ATE1: variants seen among roughly 807,000 people sequenced by gnomAD.
ATE1 encodes the protein arginyltransferase 1.
In ATE1, 36 loss-of-function variants were observed where a neutral mutation model predicts 70.5. The observed-to-expected ratio is 0.51, with a 90% confidence interval of 0.39 to 0.67. ATE1 has a LOEUF of 0.67. Ranked by LOEUF, ATE1 falls within the 30% of genes least tolerant of loss-of-function variation. The pLI is 0.00. For missense variants in ATE1, 593 were observed against 629.5 expected, an observed-to-expected ratio of 0.94 and a Z score of 0.62; for synonymous variants, 232 against 219.3, an observed-to-expected ratio of 1.06 and a Z score of -0.51.
chr10:121,830,749 A>G (rs1948204760), intron 10 of ATE1, among the ~76,000 whole-genome samples: 1 of 152,226 alleles, frequency 6.6e-6, no homozygotes, highest in African/African-American at 2.4e-5. Context: ...TGATGCCAGG[A>G]AAATGCTGAC....
At chr10:121,923,553 G>C (rs1487828087) in intron 2 of ATE1, among the ~76,000 whole-genome samples, 1 of 152,152 alleles carries the variant, frequency 6.6e-6, no homozygotes, top group Non-Finnish European at 1.5e-5. Flanking sequence ...TCTACCTTTT[G>C]AATCTCATTA....
At chr10:121,914,022 G>A in intron 3 of ATE1, 129 bp from the exon 4 acceptor site, 1 of 635,948 alleles carries the variant, frequency 1.6e-6, no homozygotes, top group Non-Finnish European at 2.6e-6. Context: ...GGGGCTTAAT[G>A]TAGCCTCTAA....
intron 8 of ATE1, among the ~76,000 whole-genome samples, chr10:121,867,043 T>C (rs1171624997): frequency 1.3e-5 from 2 of 152,058 alleles, no homozygotes; most frequent in African/African-American, 4.8e-5. Context: ...TTGGAACTTG[T>C]CTACTTTTAG....
chr10:121,770,867 T>A (rs1410862289), intron 11 of ATE1, among the ~76,000 whole-genome samples: 2 of 152,034 alleles, frequency 1.3e-5, no homozygotes, highest in Non-Finnish European at 2.9e-5. Flanking sequence ...TATAAAACAC[T>A]GAAGCCTTAA....
intron 11 of ATE1, among the ~76,000 whole-genome samples, chr10:121,752,356 G>A (rs554368654): frequency 3.3e-5 from 5 of 149,302 alleles, no homozygotes; most frequent in African/African-American, 7.4e-5. Context: ...TCAGCCTCCC[G>A]AGTAGCTGGG....
rs550130490 is a variant in ATE1, at chr10:121,796,918, A to C, written c.1258-6629T>G. 2.3e-4 allele frequency among the ~76,000 whole-genome samples: 35 copies of C among 152,352 alleles called. No homozygotes were observed. The South Asian group carries it at 6.6e-3, about 29-fold the overall frequency. On this transcript the variant is annotated intron_variant, in intron 10 of 11. Transcript: ENST00000224652. ...TTGAAGAGCATTATCATATTGATCC[A>C]ATTTCTTACCCTATAAAAGAATCGC...
intron 11 of ATE1, among the ~76,000 whole-genome samples, chr10:121,744,192 G>A (rs1944253277): frequency 6.6e-6 from 1 of 151,810 alleles, no homozygotes; most frequent in African/African-American, 2.4e-5. Flanking sequence ...AAAGTTCTGG[G>A]ATTACAGGTT....
chr10:121,751,052 C>T (rs1944557806), intron 11 of ATE1, among the ~76,000 whole-genome samples: 1 of 152,174 alleles, frequency 6.6e-6, no homozygotes, highest in South Asian at 2.1e-4. Flanking sequence ...AAATGCAGAG[C>T]AGTTGTGACA....
chr10:121,803,243 T>C (rs1946965048), intron 10 of ATE1, among the ~76,000 whole-genome samples: 1 of 152,204 alleles, frequency 6.6e-6, no homozygotes. Context: ...TCTCAATAAA[T>C]ACTTATTCAG....
chr10:121,820,036 C>A (rs751909763), intron 10 of ATE1, among the ~76,000 whole-genome samples: 1 of 151,840 alleles, frequency 6.6e-6, no homozygotes, highest in Non-Finnish European at 1.5e-5. Context: ...ATTCCAGCTA[C>A]CAGGGAGGCT....
At chr10:121,802,278 G>A (rs1324267007) in intron 10 of ATE1, among the ~76,000 whole-genome samples, 2 of 150,754 alleles carry the variant, frequency 1.3e-5, no homozygotes, top group Admixed American at 6.6e-5. Context: ...TCTTCTGCCT[G>A]GCAAGGCTAC....
At chr10:121,746,935 C>T (rs956246489) in intron 11 of ATE1, among the ~76,000 whole-genome samples, 4 of 152,196 alleles carry the variant, frequency 2.6e-5, no homozygotes, top group African/African-American at 9.7e-5. Flanking sequence ...CTTAGCTGAT[C>T]TCAGTCATCT....
chr10:121,919,790 C>G (rs1317269376), intron 3 of ATE1, among the ~76,000 whole-genome samples: 1 of 151,878 alleles, frequency 6.6e-6, no homozygotes. Context: ...CCCGGATACT[C>G]AGGTGGCTAA....
At chr10:121,786,845 GATATGTGTATATAT>G (rs1336797290) in intron 11 of ATE1, among the ~76,000 whole-genome samples, 1 of 151,974 alleles carries the variant, frequency 6.6e-6, no homozygotes, top group Non-Finnish European at 1.5e-5. Context: ...AATACACACA[GATATGTGTATATAT>G]ATATGTGTAT....
intron 10 of ATE1, among the ~76,000 whole-genome samples, chr10:121,804,072 A>G (rs1946999387): frequency 6.6e-6 from 1 of 152,212 alleles, no homozygotes; most frequent in Non-Finnish European, 1.5e-5. Context: ...TGTAGTGCCT[A>G]CACTTTAGTA....
chr10:121,908,561 C>A lies in ATE1; in HGVS notation c.583+2345G>T, dbSNP rs746987139. ...TTTTTATGAGAAACAAACAGATGAG[C>A]GGAAGGCTGTCTTTATAGAAGCAGT... On this transcript the variant is annotated intron_variant, in intron 5 of 11. Coordinates refer to ENST00000224652, the MANE Select transcript of ATE1 (RefSeq NM_001001976.3). Among the ~76,000 whole-genome samples the A allele has an allele frequency of 2.0e-5, 3 of 152,222 alleles. No individual in the cohort carries two copies. The East Asian group carries it at 5.8e-4, about 29-fold the overall frequency.
Position 121,813,420 on chromosome 10 carries a change from C to T in ATE1, c.1258-23131G>A, listed in dbSNP as rs373540959. ...AACTGAGCACCCAGGGAAAGGGACA[C>T]AGAGCCATGTGGCACAGCTGTTACC... On this transcript the variant is annotated intron_variant, in intron 10 of 11. Transcript: ENST00000224652. Among the ~76,000 whole-genome samples the T allele has an allele frequency of 9.8e-5, 15 of 152,302 alleles. No individual in the cohort carries two copies. The South Asian group carries it at 2.1e-3, about 21-fold the overall frequency.
At chr10:121,916,891 T>C (rs1289249133) in intron 3 of ATE1, among the ~76,000 whole-genome samples, 1 of 150,474 alleles carries the variant, frequency 6.6e-6, no homozygotes, top group East Asian at 2.0e-4. Flanking sequence ...AGGCCACATA[T>C]GGTGGCTCAT....
intron 11 of ATE1, among the ~76,000 whole-genome samples, chr10:121,750,949 T>C (rs1490583597): frequency 3.3e-5 from 5 of 152,178 alleles, no homozygotes; most frequent in Non-Finnish European, 5.9e-5. Flanking sequence ...ACAGGAGATA[T>C]TAACAAATTT....
Sources: allele counts gnomAD v4.1 joint callset (sites outside exome capture counted in the v4.1 genomes callset), GRCh38; gene constraint gnomAD v4.1.1; transcripts MANE v1.5; gene names NCBI Gene and HGNC (gene_info 2026-07-23, HGNC 2026-07-21).